The following NLRP5 variants were observed in gnomAD, a reference collection of about 807,000 sequenced individuals.
NLRP5 encodes NLR family pyrin domain containing 5, also known as NACHT, LRR and PYD domains-containing protein 5.
Under a neutral mutation model 113.1 loss-of-function variants are expected in NLRP5, and 93 were observed. The observed-to-expected ratio is 0.82, with a 90% CI of 0.70 to 0.98. The LOEUF (loss-of-function observed/expected upper bound fraction) is 0.98. Ranked by LOEUF, NLRP5 falls within the 50% of genes least tolerant of loss-of-function variation. NLRP5 has a pLI of 0.00. For missense variants in NLRP5, 1,808 were observed against 1,514.3 expected, an observed-to-expected ratio of 1.19 and a Z score of -3.22; for synonymous variants, 751 against 600.7, an observed-to-expected ratio of 1.25 and a Z score of -3.66.
upstream of NLRP5, among the ~76,000 whole-genome samples, chr19:55,997,632 G>C (rs1028619236): frequency 6.6e-6 from 1 of 152,148 alleles, no homozygotes; most frequent in Non-Finnish European, 1.5e-5. Flanking sequence ...AGGAGTTAGA[G>C]ACCAGCCTAG....
chr19:56,053,746 C>T lies in NLRP5; in HGVS notation c.3237C>T (p.Asp1079=), dbSNP rs61737647. ...ATCTCACGGACAATGCCCTGGGTGA[C>T]GGTGGGGTTGCTGCGCTGTGCGAGG... Residue 1079 remains aspartate, a synonymous_variant, in exon 13 of 15, where the codon GAC becomes GAT. Coordinates refer to ENST00000390649, the MANE Select transcript of NLRP5 (RefSeq NM_153447.4). 3,173 of 1,613,886 alleles carry T rather than the reference C, an allele frequency of 2.0e-3. 54 individuals are homozygous for T. The African/African-American group carries it at 0.038, about 19-fold the overall frequency.
chr19:56,046,721 T>G (rs2036748259), intron 11 of NLRP5, among the ~76,000 whole-genome samples: 2 of 152,064 alleles, frequency 1.3e-5, no homozygotes, highest in Non-Finnish European at 1.5e-5. Flanking sequence ...TTTTTTTGTA[T>G]TTTTAGTAGA....
Position 56,003,824 on chromosome 19 carries a change from G to C in NLRP5, c.171G>C (p.Ser57=), listed in dbSNP as rs756950565. 3.0e-5 allele frequency: 48 copies of C among 1,613,776 alleles called. No homozygotes were observed. The highest frequency in any genetic ancestry group is 3.9e-5 in the Non-Finnish European group (46 of 1,179,896). ...GTATCAAGATGGAAGGAGACAAATC[G>C]CTCACCTTTTCCAGCTACGGGCTGC... The change falls in exon 2 of 15, where the codon TCG becomes TCC. Residue 57 remains serine, a synonymous_variant. Coordinates refer to ENST00000390649, the MANE Select transcript of NLRP5 (RefSeq NM_153447.4).
chr19:56,013,231 T>G (rs1267260100), intron 3 of NLRP5, among the ~76,000 whole-genome samples: 1 of 152,118 alleles, frequency 6.6e-6, no homozygotes, highest in African/African-American at 2.4e-5. Flanking sequence ...CGTGCTCTGT[T>G]GCTGAGGCTG....
chr19:56,050,678 C>A lies in NLRP5; in HGVS notation c.3128+90C>A, dbSNP rs574678031. ...AGAGATAGGAGCAGGGAGACCGGAA[C>A]CAAAAACTGCTTTCAGGGTGAGCTG... On this transcript the variant is annotated intron_variant, in intron 12 of 14. Coordinates refer to ENST00000390649, the MANE Select transcript of NLRP5 (RefSeq NM_153447.4). 45 of 1,265,212 alleles carry A rather than the reference C, an allele frequency of 3.6e-5. No individual in the cohort carries two copies. The African/African-American group carries it at 4.8e-4, about 14-fold the overall frequency. The allele number at this position is 1,265,212 out of a possible 1,614,324, so 78.4% of individuals were successfully genotyped here. A position where few individuals can be genotyped will look rare whatever the true frequency, so the allele number is the denominator to read the frequency against.
Position 56,061,736 on chromosome 19 carries a change from CTCAGTA to C in NLRP5, c.*211_*216del. The C allele has an allele frequency of 1.8e-6, 1 of 555,622 alleles. No homozygotes were observed. The highest frequency in any genetic ancestry group is 3.2e-6 in the Non-Finnish European group (1 of 313,732). 34.4% of individuals were successfully genotyped at this position (555,622 alleles called of 1,614,324 possible). A position where few individuals can be genotyped will look rare whatever the true frequency, so the allele number is the denominator to read the frequency against. ...GGCTAGAGACCTTCAAGTCATAGGA[CTCAGTA>C]TCTGTGAAATGTCCGTCATATCTCA... On this transcript the variant is annotated 3_prime_UTR_variant, in exon 15 of 15. Transcript: ENST00000390649.
chr19:56,050,200 T>C (rs1188790455), intron 11 of NLRP5, among the ~76,000 whole-genome samples: 1 of 150,794 alleles, frequency 6.6e-6, no homozygotes, highest in Non-Finnish European at 1.5e-5. Flanking sequence ...GAATCTCTTG[T>C]GTCCAGGAGG....
At chr19:56,033,987 C>T (rs1054629551) in intron 9 of NLRP5, among the ~76,000 whole-genome samples, 22 of 152,230 alleles carry the variant, frequency 1.4e-4, no homozygotes, top group African/African-American at 5.3e-4. Flanking sequence ...TCAGTCTGAT[C>T]TTGAACTCCT....
intron 1 of NLRP5, among the ~76,000 whole-genome samples, chr19:56,000,256 C>T (rs1981588401): frequency 6.6e-6 from 1 of 152,240 alleles, no homozygotes; most frequent in African/African-American, 2.4e-5. Context: ...CCAGGGACTG[C>T]TACCTCGCCA....
At chr19:56,011,940 C>T (rs982286404) in intron 3 of NLRP5, among the ~76,000 whole-genome samples, 7 of 152,096 alleles carry the variant, frequency 4.6e-5, no homozygotes, top group Non-Finnish European at 2.9e-5. Flanking sequence ...GATCCACCCA[C>T]CTCAGCCTCC....
chr19:56,025,398 C>CTCTCTCTCTCTCTCTCTCTCTCTG (rs1376346640), intron 6 of NLRP5, among the ~76,000 whole-genome samples: 14 of 151,770 alleles, frequency 9.2e-5, no homozygotes, highest in Non-Finnish European at 2.1e-4. Context: ...CTCTCTCTCT[C>CTCTCTCTCTCTCTCTCTCTCTCTG]TCTCTCTGTC....
At chr19:55,995,999 T>C (rs906370597), upstream of NLRP5, among the ~76,000 whole-genome samples, 4 of 151,622 alleles carry the variant, frequency 2.6e-5, no homozygotes, top group African/African-American at 9.7e-5. Flanking sequence ...GTATGTTGAT[T>C]CTGCAACTTT....
intron 2 of NLRP5, among the ~76,000 whole-genome samples, chr19:56,006,427 T>A (rs76005649): frequency 0.027 from 4,150 of 151,486 alleles, 137 homozygotes; most frequent in African/African-American, 0.076. Flanking sequence ...AGTATAATTT[T>A]AAAAAAAAAA....
chr19:55,988,689 C>T, the NLRP5 span: 3 of 152,022 alleles, frequency 2.0e-5, no homozygotes, highest in South Asian at 2.1e-4. Flanking sequence ...CCCTGGTTCA[C>T]GTCTTGGTCC....
chr19:56,050,288 A>AAT, intron 11 of NLRP5, 130 bp from the exon 12 acceptor site: 3 of 704,160 alleles, frequency 4.3e-6, no homozygotes, highest in Non-Finnish European at 6.3e-6. Flanking sequence ...AAAAAAAAAA[A>AAT]GAAAAAAAAA....
chr19:56,061,409 C>A lies in NLRP5; in HGVS notation c.3484C>A (p.Gln1162Lys). The A allele has an allele frequency of 6.2e-7, 1 of 1,613,924 alleles. No homozygotes were observed. The highest frequency in any genetic ancestry group is 1.1e-5 in the South Asian group (1 of 91,066). ...CTGCCTCCCCAGGCTGTGGAAATGG[C>A]AGTACCCTGTGCAAATAAGGAAGCT... Residue 1162 changes from glutamine to lysine, a missense_variant, in exon 15 of 15, where the codon CAG becomes AAG. By Grantham distance (53) the Gln-to-Lys change is moderately conservative. Coordinates refer to ENST00000390649, the MANE Select transcript of NLRP5 (RefSeq NM_153447.4).
chr19:56,049,956 T>C (rs144087689), intron 11 of NLRP5, among the ~76,000 whole-genome samples: 1,669 of 152,124 alleles, frequency 0.011, 9 homozygotes, highest in Non-Finnish European at 0.017. Flanking sequence ...TCTGCCTCCT[T>C]CTCATTTGGG....
At chr19:55,993,857 G>T in the NLRP5 span, among the ~76,000 whole-genome samples, 1 of 151,384 alleles carries the variant, frequency 6.6e-6, no homozygotes. Flanking sequence ...GTTCCCTTGT[G>T]TGTGTATACC....
chr19:55,995,655 A>G (rs1364254317), upstream of NLRP5, among the ~76,000 whole-genome samples: 1 of 152,184 alleles, frequency 6.6e-6, no homozygotes. Flanking sequence ...TAGGGATTGC[A>G]TTGAATCTGT....
Sources: allele counts gnomAD v4.1 joint callset (sites outside exome capture counted in the v4.1 genomes callset), GRCh38; gene constraint gnomAD v4.1.1; transcripts MANE v1.5; gene names NCBI Gene and HGNC (gene_info 2026-07-23, HGNC 2026-07-21).